STXBP5L: variants seen among roughly 807,000 people sequenced by gnomAD.
STXBP5L encodes syntaxin-binding protein 5-like.
In STXBP5L, 65 loss-of-function variants were observed where a neutral mutation model predicts 144.5. The observed-to-expected ratio is 0.45, with a 90% CI of 0.37 to 0.55. STXBP5L has a LOEUF of 0.55. Among genes scored for constraint, STXBP5L ranks in the 20% least tolerant of loss-of-function variants. The pLI, the probability that STXBP5L is intolerant of heterozygous loss-of-function variation, is 0.00. For missense variants in STXBP5L, 1,298 were observed against 1,405.5 expected, an observed-to-expected ratio of 0.92 and a Z score of 1.22; for synonymous variants, 505 against 469.6, an observed-to-expected ratio of 1.08 and a Z score of -0.97.
intron 20 of STXBP5L, among the ~76,000 whole-genome samples, chr3:121,333,415 A>T (rs937684772): frequency 2.0e-5 from 3 of 152,132 alleles, no homozygotes; most frequent in African/African-American, 4.8e-5. Flanking sequence ...TACCCACATC[A>T]AAAAGTTGGA....
chr3:120,950,448 A>G (rs563043566), intron 2 of STXBP5L, among the ~76,000 whole-genome samples: 7 of 152,186 alleles, frequency 4.6e-5, no homozygotes, highest in African/African-American at 1.7e-4. Context: ...AAATAGAAAA[A>G]TGTGAGTTAC....
intron 7 of STXBP5L, among the ~76,000 whole-genome samples, 172 bp downstream of exon 7, chr3:121,121,876 T>C (rs993967130): frequency 6.6e-6 from 1 of 151,136 alleles, no homozygotes; most frequent in Non-Finnish European, 1.5e-5. Flanking sequence ...GAATGAATCA[T>C]GCTACTGATG....
intron 5 of STXBP5L, among the ~76,000 whole-genome samples, chr3:121,068,587 A>G (rs186940667): frequency 2.2e-4 from 34 of 152,198 alleles, no homozygotes; most frequent in Admixed American, 1.6e-3. Context: ...CCACTTCTTT[A>G]ATAATGACAG....
At chr3:121,307,719 CAGA>C (rs923768291) in intron 19 of STXBP5L, among the ~76,000 whole-genome samples, 1 of 151,554 alleles carries the variant, frequency 6.6e-6, no homozygotes, top group Non-Finnish European at 1.5e-5. Context: ...ATAGGATTAG[CAGA>C]AGGAGAGGAG....
intron 3 of STXBP5L, among the ~76,000 whole-genome samples, chr3:120,955,777 T>G (rs1206692048): frequency 6.6e-6 from 1 of 152,090 alleles, no homozygotes; most frequent in African/African-American, 2.4e-5. Context: ...ATTGCTCTTT[T>G]ATGGTCACAC....
At chr3:121,248,274 G>A (rs150913616) in intron 14 of STXBP5L, among the ~76,000 whole-genome samples, 4 of 152,238 alleles carry the variant, frequency 2.6e-5, no homozygotes, top group Non-Finnish European at 2.9e-5. Flanking sequence ...ATTTTGGCCA[G>A]GCTGGTCTAG....
At chr3:121,107,113 G>T (rs536597811) in intron 5 of STXBP5L, among the ~76,000 whole-genome samples, 41 of 150,140 alleles carry the variant, frequency 2.7e-4, no homozygotes, top group Middle Eastern at 6.8e-3. Context: ...TTGTAAATTT[G>T]TTTAAATTCC....
chr3:121,363,199 G>A (rs778130810), intron 20 of STXBP5L, among the ~76,000 whole-genome samples: 2 of 152,226 alleles, frequency 1.3e-5, no homozygotes, highest in Admixed American at 6.5e-5. Flanking sequence ...TGCAGCCTGG[G>A]GTTATGGGAG....
intron 5 of STXBP5L, among the ~76,000 whole-genome samples, chr3:121,112,033 A>G (rs2044010756): frequency 6.6e-6 from 1 of 152,226 alleles, no homozygotes; most frequent in African/African-American, 2.4e-5. Flanking sequence ...GCTGTGCTAC[A>G]CTGTGGAGAA....
chr3:121,138,836 G>C (rs2045372706), intron 7 of STXBP5L, among the ~76,000 whole-genome samples: 1 of 151,944 alleles, frequency 6.6e-6, no homozygotes. Context: ...CATGACATGG[G>C]TATGGGCAAG....
chr3:121,168,865 G>T (rs1164286728), intron 9 of STXBP5L, among the ~76,000 whole-genome samples: 1 of 152,066 alleles, frequency 6.6e-6, no homozygotes, highest in African/African-American at 2.4e-5. Context: ...TCCTCGAGAA[G>T]AGCATCCCCA....
intron 5 of STXBP5L, among the ~76,000 whole-genome samples, chr3:121,085,546 A>G (rs999757788): frequency 6.6e-6 from 1 of 152,216 alleles, no homozygotes. Context: ...ACAAACAGAG[A>G]GCCAAATCAT....
intron 11 of STXBP5L, among the ~76,000 whole-genome samples, chr3:121,226,758 T>C (rs1026429189): frequency 6.6e-6 from 1 of 152,158 alleles, no homozygotes; most frequent in South Asian, 2.1e-4. Context: ...ACAGATACAA[T>C]TTTGCTTTTC....
intron 9 of STXBP5L, among the ~76,000 whole-genome samples, chr3:121,175,468 C>T (rs2046896697): frequency 6.6e-6 from 1 of 152,090 alleles, no homozygotes; most frequent in Non-Finnish European, 1.5e-5. Flanking sequence ...TATGACAAGG[C>T]AAACACACAC....
At chr3:120,951,099 T>C (rs1576470605) in intron 2 of STXBP5L, among the ~76,000 whole-genome samples, 1 of 152,242 alleles carries the variant, frequency 6.6e-6, no homozygotes, top group African/African-American at 2.4e-5. Context: ...TGGCTAGCCA[T>C]ATGTAGAAAG....
chr3:120,944,818 A>G (rs1405819276), intron 2 of STXBP5L, among the ~76,000 whole-genome samples: 1 of 151,788 alleles, frequency 6.6e-6, no homozygotes, highest in African/African-American at 2.4e-5. Flanking sequence ...CCTTTTACTT[A>G]GTCTTTTCTT....
chr3:121,131,322 G>A (rs548718842), intron 7 of STXBP5L, among the ~76,000 whole-genome samples: 5 of 152,234 alleles, frequency 3.3e-5, no homozygotes, highest in Admixed American at 1.3e-4. Flanking sequence ...ATTATTAACA[G>A]TGATACCAAT....
intron 2 of STXBP5L, among the ~76,000 whole-genome samples, chr3:120,926,263 T>A (rs1180495395): frequency 3.3e-5 from 5 of 152,234 alleles, no homozygotes; most frequent in African/African-American, 1.2e-4. Flanking sequence ...TGGTGTTGAA[T>A]TCTCTGAGCT....
At chr3:121,013,111 G>A (rs1484081348) in intron 3 of STXBP5L, among the ~76,000 whole-genome samples, 1 of 151,984 alleles carries the variant, frequency 6.6e-6, no homozygotes, top group East Asian at 1.9e-4. Flanking sequence ...TGGGCACCTG[G>A]GTTGATTCCA....
Sources: allele counts gnomAD v4.1 joint callset (sites outside exome capture counted in the v4.1 genomes callset), GRCh38; gene constraint gnomAD v4.1.1; transcripts MANE v1.5; gene names NCBI Gene and HGNC (gene_info 2026-07-23, HGNC 2026-07-21).